DCDC2C: variants seen among roughly 807,000 people sequenced by gnomAD.
DCDC2C encodes the protein doublecortin domain containing 2C, also known as doublecortin domain-containing protein 2C.
Under a neutral mutation model 45.0 loss-of-function variants are expected in DCDC2C, and 44 were observed. That is an observed-to-expected ratio of 0.98 (90% confidence interval 0.77 to 1.26). DCDC2C has a LOEUF of 1.26. Ranked by LOEUF, DCDC2C falls within the 50% of genes most tolerant of loss-of-function variation. The probability of loss-of-function intolerance (pLI) is 0.00; values close to 1 mark genes in which losing one functional copy is unlikely to be tolerated. For missense variants in DCDC2C, 447 were observed against 468.9 expected (o/e 0.95, Z 0.43); for synonymous variants, 187 against 178.8 (o/e 1.05, Z -0.37).
rs200785067 is a variant in DCDC2C, at chr2:3,838,103, G to A, written c.1066-9051G>A. 5.9e-5 allele frequency among the ~76,000 whole-genome samples: 9 copies of A among 152,266 alleles called. No homozygotes were observed. The East Asian group carries it at 1.5e-3, about 26-fold the overall frequency. On this transcript the variant is annotated intron_variant, in intron 10 of 10. Coordinates refer to ENST00000399143, the MANE Select transcript of DCDC2C (RefSeq NM_001287444.2). ...TGGGGTTATGTCGTGGCACTAAGGA[G>A]CCCTTGAAGGTGGTGATCGCGAGTG...
At chr2:3,764,104 A>G (rs1312623992) in intron 6 of DCDC2C, among the ~76,000 whole-genome samples, 2 of 152,236 alleles carry the variant, frequency 1.3e-5, no homozygotes, top group East Asian at 1.9e-4. Context: ...ATCATTTCTC[A>G]TCGCTTACCT....
intron 10 of DCDC2C, among the ~76,000 whole-genome samples, chr2:3,802,764 C>T (rs78847095): frequency 2.1e-3 from 323 of 152,260 alleles, no homozygotes; most frequent in Non-Finnish European, 3.7e-3. Context: ...TGGGAGAAGA[C>T]GAACTGTTAG....
chr2:3,830,058 G>A (rs1020696171), intron 10 of DCDC2C, among the ~76,000 whole-genome samples: 1 of 152,212 alleles, frequency 6.6e-6, no homozygotes, highest in African/African-American at 2.4e-5. Flanking sequence ...CTGTAGATAA[G>A]GATGTTGGCC....
chr2:3,774,203 TCAGA>T (rs1670264983), intron 8 of DCDC2C, among the ~76,000 whole-genome samples: 2 of 152,212 alleles, frequency 1.3e-5, no homozygotes, highest in East Asian at 3.9e-4. Flanking sequence ...GTAGAGTAAC[TCAGA>T]CGGAGGCCAC....
intron 10 of DCDC2C, among the ~76,000 whole-genome samples, chr2:3,810,148 A>G (rs1415669657): frequency 6.6e-6 from 1 of 152,234 alleles, no homozygotes; most frequent in Non-Finnish European, 1.5e-5. Flanking sequence ...TTCTGGTTCT[A>G]GATCCTTGAG....
rs376430001 is a variant in DCDC2C, at chr2:3,813,638, A to ATTTTT, written c.1065+28549_1065+28553dup. Among the ~76,000 whole-genome samples the ATTTTT allele has an allele frequency of 1.8e-3, 241 of 135,500 alleles. 3 individuals carry two copies. The highest frequency in any genetic ancestry group is 0.015 in the South Asian group (64 of 4,186). 88.9% of individuals were successfully genotyped at this position (135,500 alleles called of 152,430 possible). A position where few individuals can be genotyped will look rare whatever the true frequency, so the allele number is the denominator to read the frequency against. ...CAGAATAGTTAGCTCTTCTTGTTGAATTTTTTTTTTTTTTTACCATTATGT... is the reference window on the plus strand; with the variant it reads ...CAGAATAGTTAGCTCTTCTTGTTGAATTTTTTTTTTTTTTTTTTTTACCATTATGT... On this transcript the variant is annotated intron_variant, in intron 10 of 10. Transcript: ENST00000399143.
chr2:3,841,435 TATAC>T (rs1672211675), intron 10 of DCDC2C, among the ~76,000 whole-genome samples: 3 of 134,428 alleles, frequency 2.2e-5, no homozygotes, highest in South Asian at 5.1e-4. Context: ...TTAATATTCA[TATAC>T]ATACATTTTG....
chr2:3,754,458 G>T, intron 5 of DCDC2C, 134 bp from the exon 6 acceptor site: 1 of 764,992 alleles, frequency 1.3e-6, no homozygotes, highest in Non-Finnish European at 2.1e-6. Flanking sequence ...GTTGCCATGA[G>T]CCGTGTCCTC....
intron 1 of DCDC2C, among the ~76,000 whole-genome samples, chr2:3,707,596 G>A (rs1278090997): frequency 6.6e-6 from 1 of 152,158 alleles, no homozygotes; most frequent in Non-Finnish European, 1.5e-5. Flanking sequence ...GGTCTCCCTT[G>A]GAAAAAATAG....
intron 6 of DCDC2C, among the ~76,000 whole-genome samples, chr2:3,755,349 ATG>A (rs1558211140): frequency 6.8e-6 from 1 of 147,688 alleles, no homozygotes; most frequent in African/African-American, 2.4e-5. Context: ...ATAGATGCAT[ATG>A]TGTGTATGCA....
intron 4 of DCDC2C, among the ~76,000 whole-genome samples, chr2:3,747,716 T>C (rs1669415032): frequency 1.3e-5 from 2 of 152,222 alleles, no homozygotes; most frequent in Non-Finnish European, 2.9e-5. Context: ...TGTTGATCAA[T>C]TCAACAAATA....
chr2:3,821,179 C>T (rs58316691), intron 10 of DCDC2C, among the ~76,000 whole-genome samples: 3,153 of 152,132 alleles, frequency 0.021, 99 homozygotes, highest in African/African-American at 0.072. Flanking sequence ...GGGGGAGCTT[C>T]TGAGCCAGGA....
intron 10 of DCDC2C, among the ~76,000 whole-genome samples, chr2:3,807,518 C>A (rs1671282718): frequency 6.6e-6 from 1 of 151,982 alleles, no homozygotes; most frequent in Non-Finnish European, 1.5e-5. Context: ...AGGAGAATCA[C>A]CCAGACCACC....
In DCDC2C at chr2:3,769,354, A is replaced by C; in HGVS notation, c.897A>C (p.Gln299His). ...YKAPTPSKET[Q>H]GALDVKEEHN... is the part of the protein sequence containing the mutation. ...CACCGACTCCTAGCAAGGAAACCCA[A>C]GGGGCGCTGGACGTCAAAGAGGAGC... The change falls in exon 8 of 11, where the codon CAA becomes CAC. Residue 299 changes from glutamine (Q) to histidine (H), a missense_variant. Coordinates refer to ENST00000399143, the MANE Select transcript of DCDC2C (RefSeq NM_001287444.2). 6.4e-7 allele frequency: 1 copy of C among 1,550,620 alleles called. No individual in the cohort carries two copies. Among genetic ancestry groups the C allele is most frequent in the South Asian group, 1.2e-5 (1 of 84,052 alleles).
chr2:3,779,756 G>A (rs1443076129), intron 9 of DCDC2C, among the ~76,000 whole-genome samples: 1 of 148,474 alleles, frequency 6.7e-6, no homozygotes, highest in Non-Finnish European at 1.5e-5. Context: ...GGGGACACTC[G>A]CAGCCTTGCC....
chr2:3,814,438 T>G (rs1190907236), intron 10 of DCDC2C, among the ~76,000 whole-genome samples: 1 of 152,208 alleles, frequency 6.6e-6, no homozygotes, highest in Non-Finnish European at 1.5e-5. Context: ...TTATCAAAGT[T>G]CTTAGCTTCT....
intron 2 of DCDC2C, among the ~76,000 whole-genome samples, chr2:3,709,488 C>A (rs140883863): frequency 3.9e-4 from 59 of 152,344 alleles, no homozygotes; most frequent in Non-Finnish European, 6.0e-4. Context: ...CTTCCAGAAG[C>A]GTTCCGCTGC....
At chr2:3,767,143 G>A (rs535730509) in intron 6 of DCDC2C, among the ~76,000 whole-genome samples, 4 of 152,232 alleles carry the variant, frequency 2.6e-5, no homozygotes, top group Non-Finnish European at 2.9e-5. Flanking sequence ...TTTCACCTTC[G>A]GACATGTTCA....
chr2:3,816,643 G>T (rs1285941835), intron 10 of DCDC2C, among the ~76,000 whole-genome samples: 4 of 152,186 alleles, frequency 2.6e-5, no homozygotes, highest in Non-Finnish European at 5.9e-5. Flanking sequence ...GTAAAGAATA[G>T]GACTTATCAG....
Sources: allele counts gnomAD v4.1 joint callset (sites outside exome capture counted in the v4.1 genomes callset), GRCh38; gene constraint gnomAD v4.1.1; transcripts MANE v1.5; gene names NCBI Gene and HGNC (gene_info 2026-07-23, HGNC 2026-07-21).